ERC2: variants seen among roughly 807,000 people sequenced by gnomAD.
ERC2 encodes ELKS/RAB6-interacting/CAST family member 2.
A neutral mutation model predicts 114.8 loss-of-function variants in ERC2; 42 were observed. That is an observed-to-expected ratio of 0.37 (90% CI 0.29 to 0.47). The LOEUF (loss-of-function observed/expected upper bound fraction) is 0.47, where lower values mean the gene tolerates loss of function less well. Among genes scored for constraint, ERC2 ranks in the 20% least tolerant of loss-of-function variants. The pLI, the probability that ERC2 is intolerant of heterozygous loss-of-function variation, is 0.99. For missense variants in ERC2, 939 were observed against 1,150.7 expected (o/e 0.82, Z 2.66); for synonymous variants, 454 against 425.5 (o/e 1.07, Z -0.82).
chr3:56,086,614 T>A (rs2077518024), intron 6 of ERC2, among the ~76,000 whole-genome samples: 1 of 151,888 alleles, frequency 6.6e-6, no homozygotes, highest in Non-Finnish European at 1.5e-5. Flanking sequence ...AACTTCCACA[T>A]GGTGCAAAAC....
At position 56,208,251 on chromosome 3, in the gene ERC2, A is replaced by G. The variant is rs968469989; in HGVS notation, c.1075-34731T>C. The stretch of plus-strand genomic sequence containing the variant: ...GTCATAGGGCTGCCACCAATGGACC[A>G]TTAACTGTTGCCAGGAATATTACAT... On this transcript the variant is annotated intron_variant, in intron 3 of 17. Transcript: ENST00000288221. Among the ~76,000 whole-genome samples the G allele has an allele frequency of 2.6e-5, 4 of 152,226 alleles. No individual in the cohort carries two copies. The East Asian group carries it at 7.7e-4, about 29-fold the overall frequency.
intron 17 of ERC2, among the ~76,000 whole-genome samples, chr3:55,567,826 G>A (rs976903008): frequency 1.3e-5 from 2 of 152,144 alleles, no homozygotes; most frequent in African/African-American, 4.8e-5. Flanking sequence ...TCACCACGGT[G>A]ATTAGTGAAG....
chr3:56,155,394 G>A (rs921586180), intron 4 of ERC2, among the ~76,000 whole-genome samples: 1 of 150,884 alleles, frequency 6.6e-6, no homozygotes, highest in Admixed American at 6.6e-5. Flanking sequence ...ATAACCGCAT[G>A]ACTGGATGTG....
chr3:55,814,356 A>G (rs1434794111), intron 14 of ERC2, among the ~76,000 whole-genome samples: 1 of 152,214 alleles, frequency 6.6e-6, no homozygotes, highest in Non-Finnish European at 1.5e-5. Flanking sequence ...TAAGAAAACC[A>G]AGACGAGTCA....
At chr3:55,836,999 A>G (rs1417982449) in intron 14 of ERC2, among the ~76,000 whole-genome samples, 1 of 152,236 alleles carries the variant, frequency 6.6e-6, no homozygotes. Context: ...AACACACATG[A>G]AAAAATGCTC....
chr3:55,949,917 C>T (rs2149443026), intron 13 of ERC2, among the ~76,000 whole-genome samples: 1 of 152,190 alleles, frequency 6.6e-6, no homozygotes, highest in Non-Finnish European at 1.5e-5. Flanking sequence ...TATGGCTGTC[C>T]ATTGAAAGAT....
At chr3:56,096,951 C>A (rs2078097515) in intron 6 of ERC2, among the ~76,000 whole-genome samples, 1 of 152,084 alleles carries the variant, frequency 6.6e-6, no homozygotes, top group Non-Finnish European at 1.5e-5. Flanking sequence ...TCTTTTATGC[C>A]CACAAATGCT....
At chr3:55,897,325 AT>A (rs770887126) in intron 13 of ERC2, among the ~76,000 whole-genome samples, 3 of 152,038 alleles carry the variant, frequency 2.0e-5, no homozygotes, top group African/African-American at 7.2e-5. Context: ...TGATAAAGCT[AT>A]TTTTTCCCTT....
intron 10 of ERC2, among the ~76,000 whole-genome samples, chr3:56,004,968 A>G (rs190988511): frequency 1.9e-3 from 285 of 147,976 alleles, no homozygotes; most frequent in African/African-American, 6.9e-3. Flanking sequence ...GTAGATCTCA[A>G]TTTTTTTAAG....
chr3:56,041,934 G>C (rs2075215543), intron 7 of ERC2, among the ~76,000 whole-genome samples: 1 of 152,126 alleles, frequency 6.6e-6, no homozygotes, highest in African/African-American at 2.4e-5. Context: ...TTTAAAAACA[G>C]ATTATTTTTC....
chr3:56,266,024 G>A (rs1379540721), intron 3 of ERC2, among the ~76,000 whole-genome samples: 15 of 118,904 alleles, frequency 1.3e-4, no homozygotes, highest in African/African-American at 3.5e-4. Context: ...GTGAGAATCC[G>A]ACCAAAAAAA....
chr3:55,856,507 A>G (rs1326139102), intron 14 of ERC2, among the ~76,000 whole-genome samples: 2 of 152,216 alleles, frequency 1.3e-5, no homozygotes, highest in Admixed American at 1.3e-4. Flanking sequence ...ATGAAAAAAT[A>G]AACAAAACAT....
chr3:55,867,528 A>G (rs945726435), intron 14 of ERC2, among the ~76,000 whole-genome samples: 1 of 152,214 alleles, frequency 6.6e-6, no homozygotes, highest in Admixed American at 6.5e-5. Flanking sequence ...GAGAATAATA[A>G]GCATTGCTTC....
At chr3:56,222,747 C>T (rs185271210) in intron 3 of ERC2, among the ~76,000 whole-genome samples, 105 of 152,300 alleles carry the variant, frequency 6.9e-4, no homozygotes, top group Non-Finnish European at 1.2e-3. Context: ...TAAACAAATG[C>T]TATACAACCG....
At chr3:55,586,791 A>G (rs964131167) in intron 17 of ERC2, among the ~76,000 whole-genome samples, 9 of 152,262 alleles carry the variant, frequency 5.9e-5, no homozygotes, top group African/African-American at 2.2e-4. Context: ...ATTCTGAAAT[A>G]TTTCAAATAT....
At chr3:55,809,733 C>G (rs889347441) in intron 14 of ERC2, among the ~76,000 whole-genome samples, 1 of 152,118 alleles carries the variant, frequency 6.6e-6, no homozygotes, top group Non-Finnish European at 1.5e-5. Flanking sequence ...TCCCTACAAG[C>G]TGGTTGGCAT....
At chr3:56,045,654 A>G (rs998461768) in intron 7 of ERC2, among the ~76,000 whole-genome samples, 4 of 152,188 alleles carry the variant, frequency 2.6e-5, no homozygotes, top group Non-Finnish European at 5.9e-5. Flanking sequence ...TTTGGAAACT[A>G]AACATGAAAG....
chr3:56,321,028 T>C (rs187312378), intron 2 of ERC2, among the ~76,000 whole-genome samples: 147 of 152,306 alleles, frequency 9.7e-4, no homozygotes, highest in African/African-American at 3.2e-3. Flanking sequence ...CCATACGCTG[T>C]CTTGCTAAGC....
At chr3:55,933,692 C>T in intron 13 of ERC2, among the ~76,000 whole-genome samples, 1 of 152,212 alleles carries the variant, frequency 6.6e-6, no homozygotes, top group East Asian at 1.9e-4. Flanking sequence ...CGCGTGGCCA[C>T]AGGAGCCGTG....
Sources: allele counts gnomAD v4.1 joint callset (sites outside exome capture counted in the v4.1 genomes callset), GRCh38; gene constraint gnomAD v4.1.1; transcripts MANE v1.5; gene names NCBI Gene and HGNC (gene_info 2026-07-23, HGNC 2026-07-21).